The following SLC22A3 variants were observed in gnomAD, a reference collection of about 807,000 sequenced individuals.
SLC22A3 encodes the protein solute carrier family 22 member 3.
A neutral mutation model predicts 59.1 loss-of-function variants in SLC22A3; 51 were observed. The ratio of observed to expected loss-of-function variants is 0.86; its 90% CI spans 0.69 to 1.09. The LOEUF (loss-of-function observed/expected upper bound fraction) is 1.09. Ranked by LOEUF, SLC22A3 falls within the 50% of genes least tolerant of loss-of-function variation. The pLI, the probability that SLC22A3 is intolerant of heterozygous loss-of-function variation, is 0.00. For synonymous variants in SLC22A3, 325 were observed against 292.0 expected, an observed-to-expected ratio of 1.11 and a Z score of -1.15; for missense variants, 711 against 726.3, an observed-to-expected ratio of 0.98 and a Z score of 0.24.
intron 5 of SLC22A3, among the ~76,000 whole-genome samples, chr6:160,432,134 A>T (rs544399773): frequency 6.6e-6 from 1 of 152,168 alleles, no homozygotes; most frequent in Non-Finnish European, 1.5e-5. Context: ...ACTTTCCCAG[A>T]AGTCCATTTC....
chr6:160,364,602 T>C (rs1339249941), intron 1 of SLC22A3, among the ~76,000 whole-genome samples: 9 of 152,180 alleles, frequency 5.9e-5, no homozygotes, highest in Admixed American at 5.9e-4. Context: ...TATCAAAACC[T>C]ATTGTTAGTA....
chr6:160,440,710 T>C (rs1788509170), intron 7 of SLC22A3, among the ~76,000 whole-genome samples: 1 of 152,236 alleles, frequency 6.6e-6, no homozygotes. Flanking sequence ...CTTTTCACTC[T>C]TTAGTTAATG....
At chr6:160,425,955 G>A (rs1787935286) in intron 5 of SLC22A3, 11 of 985,278 alleles carry the variant, frequency 1.1e-5, no homozygotes, top group Non-Finnish European at 1.3e-5. Context: ...CTGGCTTATG[G>A]CTGATACGTA....
chr6:160,380,553 C>T (rs982224434), intron 1 of SLC22A3, among the ~76,000 whole-genome samples: 2 of 152,070 alleles, frequency 1.3e-5, no homozygotes, highest in Admixed American at 6.5e-5. Context: ...AAAACATATA[C>T]ATAGGCATAA....
rs1195384365 is a variant in SLC22A3 at position 160,437,032 on chromosome 6, T to C, written c.1109T>C (p.Met370Thr). 1.9e-6 allele frequency: 3 copies of C among 1,614,072 alleles called. No individual in the cohort carries two copies. Among genetic ancestry groups the C allele is most frequent in the African/African-American group, 1.3e-5 (1 of 74,926 alleles). Reference sequence around the variant, plus strand: ...GCAGTGGTGTATCAAGGACTTGTCATGCGCCTGGGAATTATAGGGGGCAAC... The same window carrying C: ...GCAGTGGTGTATCAAGGACTTGTCACGCGCCTGGGAATTATAGGGGGCAAC... ...TSAVVYQGLVMRLGIIGGNLY... is the reference protein window; with the variant it reads ...TSAVVYQGLVTRLGIIGGNLY... The change falls in exon 7 of 11, where the codon ATG becomes ACG. Residue 370 changes from methionine (M) to threonine (T), a missense_variant. Coordinates refer to ENST00000275300, the MANE Select transcript of SLC22A3 (RefSeq NM_021977.4).
intron 1 of SLC22A3, among the ~76,000 whole-genome samples, chr6:160,393,981 C>G (rs1053689171): frequency 6.6e-6 from 1 of 152,246 alleles, no homozygotes; most frequent in Non-Finnish European, 1.5e-5. Context: ...ATTACACCAA[C>G]AGTTGTTTGA....
intron 2 of SLC22A3, among the ~76,000 whole-genome samples, chr6:160,400,984 G>GAAAAAAAAAAAAAA (rs58532600): frequency 1.3e-5 from 1 of 78,558 alleles, no homozygotes; most frequent in Non-Finnish European, 2.3e-5. Flanking sequence ...CTCCAAAACT[G>GAAAAAAAAAAAAAA]AAAAAAAAAA....
At chr6:160,427,917 A>T (rs1045545742) in intron 5 of SLC22A3, among the ~76,000 whole-genome samples, 1 of 152,224 alleles carries the variant, frequency 6.6e-6, no homozygotes, top group African/African-American at 2.4e-5. Context: ...GACTGTTGGC[A>T]TAGATGCTGC....
chr6:160,379,356 A>C (rs1350518591), intron 1 of SLC22A3, among the ~76,000 whole-genome samples: 1 of 152,136 alleles, frequency 6.6e-6, no homozygotes, highest in Non-Finnish European at 1.5e-5. Context: ...GCCCAATATC[A>C]CTTTCTCTGT....
intron 7 of SLC22A3, 59 bp downstream of exon 7, chr6:160,437,270 A>G (rs1583513055): frequency 6.5e-7 from 1 of 1,527,578 alleles, no homozygotes; most frequent in East Asian, 2.3e-5. Flanking sequence ...TAAATCCACA[A>G]TCAAGTATAG....
chr6:160,447,701 C>G lies in SLC22A3; in HGVS notation c.1511-18C>G. On this transcript the variant is annotated intron_variant, in intron 9 of 10. Transcript: ENST00000275300. ...CTGTGTCTTCCTGGAGCGGTAACAC[C>G]TTTCCCCTATTCCATAGGTATCCTG... 6.2e-7 allele frequency: 1 copy of G among 1,608,764 alleles called. No individual in the cohort carries two copies.
At chr6:160,439,054 C>A (rs1296515305) in intron 7 of SLC22A3, among the ~76,000 whole-genome samples, 1 of 152,104 alleles carries the variant, frequency 6.6e-6, no homozygotes, top group Non-Finnish European at 1.5e-5. Flanking sequence ...CAACCCACTA[C>A]ATGGAATTAA....
intron 1 of SLC22A3, among the ~76,000 whole-genome samples, chr6:160,369,342 A>G (rs1048031922): frequency 8.5e-5 from 13 of 152,326 alleles, no homozygotes; most frequent in African/African-American, 2.9e-4. Flanking sequence ...CCAGACTATT[A>G]TGAAAATGTT....
chr6:160,439,322 A>T (rs567788121), intron 7 of SLC22A3, among the ~76,000 whole-genome samples: 1 of 152,288 alleles, frequency 6.6e-6, no homozygotes, highest in South Asian at 2.1e-4. Context: ...TTCTGTTCTC[A>T]TCGTATGTGG....
intron 5 of SLC22A3, among the ~76,000 whole-genome samples, chr6:160,411,457 G>T (rs1388465957): frequency 6.6e-6 from 1 of 152,130 alleles, no homozygotes; most frequent in East Asian, 1.9e-4. Flanking sequence ...ATAGGGGAGG[G>T]CCGGGTGTAA....
chr6:160,446,357 C>A (rs952349878), intron 9 of SLC22A3, among the ~76,000 whole-genome samples: 2 of 152,130 alleles, frequency 1.3e-5, no homozygotes, highest in Non-Finnish European at 2.9e-5. Context: ...TTTGCCACTG[C>A]TATAAATAAC....
intron 10 of SLC22A3, 88 bp from the exon 11 acceptor site, chr6:160,450,908 A>G (rs929664221): frequency 1.6e-6 from 2 of 1,250,182 alleles, no homozygotes; most frequent in Middle Eastern, 1.9e-4. Context: ...TTTGATCAAA[A>G]CCAGCTATAC....
chr6:160,363,083 C>T (rs185523064), intron 1 of SLC22A3, among the ~76,000 whole-genome samples: 1 of 152,334 alleles, frequency 6.6e-6, no homozygotes, highest in Non-Finnish European at 1.5e-5. Flanking sequence ...GCATCGCGCC[C>T]CAATGCGCAC....
At chr6:160,389,170 C>A (rs1439492696) in intron 1 of SLC22A3, among the ~76,000 whole-genome samples, 1 of 152,132 alleles carries the variant, frequency 6.6e-6, no homozygotes, top group African/African-American at 2.4e-5. Context: ...GTATAGAAGG[C>A]TGATCATCTC....
Sources: allele counts gnomAD v4.1 joint callset (sites outside exome capture counted in the v4.1 genomes callset), GRCh38; gene constraint gnomAD v4.1.1; transcripts MANE v1.5; gene names NCBI Gene and HGNC (gene_info 2026-07-23, HGNC 2026-07-21).